Variants in TLL2 observed in about 807,000 individuals in gnomAD.
TLL2 encodes tolloid like 2.
A neutral mutation model predicts 123.0 loss-of-function variants in TLL2; 106 were observed. That is an observed-to-expected ratio of 0.86 (90% confidence interval 0.74 to 1.01). The LOEUF (loss-of-function observed/expected upper bound fraction) is 1.01. Among genes scored for constraint, TLL2 ranks in the 50% least tolerant of loss-of-function variants. The pLI, the probability that TLL2 is intolerant of heterozygous loss-of-function variation, is 0.00. For synonymous variants in TLL2, 494 were observed against 516.8 expected (o/e 0.96, Z 0.60); for missense variants, 1,332 against 1,336.7 (o/e 1.00, Z 0.06).
chr10:96,473,816 CT>C (rs1847207659), intron 2 of TLL2, among the ~76,000 whole-genome samples: 2 of 152,136 alleles, frequency 1.3e-5, no homozygotes, highest in Admixed American at 1.3e-4. Flanking sequence ...CGCAGACTTC[CT>C]GGACTCTTTG....
In TLL2 at chr10:96,513,513, G is replaced by A. The variant is rs771650809; in HGVS notation, c.173C>T (p.Ala58Val). Residue 58 changes from alanine (A) to valine (V), a missense_variant and splice_region_variant, in exon 1 of 21, where the codon GCC becomes GTC. Transcript: ENST00000357947. ...QLEHYHDPCK[A>V]AVFWGDIALD... ...ACTTCCCCAGCGGCGGCACCTACCG[G>A]CTTTGCAAGGGTCGTGGTAATGCTC... The A allele has an allele frequency of 2.5e-6, 4 of 1,612,348 alleles. No individual in the cohort carries two copies. In the South Asian group the frequency reaches 3.3e-5, roughly 13 times the overall value.
chr10:96,404,959 C>T (rs1366444804), intron 10 of TLL2, among the ~76,000 whole-genome samples: 1 of 152,182 alleles, frequency 6.6e-6, no homozygotes, highest in African/African-American at 2.4e-5. Flanking sequence ...ATTTTTCCTG[C>T]TTCAGTGAAC....
chr10:96,397,957 AT>A (rs1243377548), intron 10 of TLL2, among the ~76,000 whole-genome samples: 1 of 152,190 alleles, frequency 6.6e-6, no homozygotes, highest in Non-Finnish European at 1.5e-5. Flanking sequence ...AGGTTTAAGA[AT>A]CTAAGAGAAG....
chr10:96,511,998 C>T (rs1294026378), intron 1 of TLL2, among the ~76,000 whole-genome samples: 2 of 152,228 alleles, frequency 1.3e-5, no homozygotes, highest in African/African-American at 4.8e-5. Context: ...CTCATGGTAC[C>T]TGGGCCAGGC....
chr10:96,513,697 G>T lies in TLL2; in HGVS notation c.-12C>A, dbSNP rs778353139. On this transcript the variant is annotated 5_prime_UTR_variant, in exon 1 of 21. Coordinates refer to ENST00000357947, the MANE Select transcript of TLL2 (RefSeq NM_012465.4). ...GTCGCCCGGGGCATGGTGGCGCGGG[G>T]CCGGCTGGGGCAGAGGGAGTTGCGT... 7 of 1,502,582 alleles carry T rather than the reference G, an allele frequency of 4.7e-6. No homozygotes were observed. In the East Asian group the frequency reaches 1.5e-4, roughly 32 times the overall value. 93.1% of individuals were successfully genotyped at this position (1,502,582 alleles called of 1,614,324 possible).
chr10:96,422,222 T>G (rs1846631099), intron 6 of TLL2, among the ~76,000 whole-genome samples: 1 of 152,116 alleles, frequency 6.6e-6, no homozygotes, highest in Admixed American at 6.5e-5. Context: ...TTTTTTTTTT[T>G]TTGGCTTATC....
chr10:96,416,236 C>T (rs1469439162), intron 7 of TLL2, among the ~76,000 whole-genome samples: 1 of 152,188 alleles, frequency 6.6e-6, no homozygotes, highest in Non-Finnish European at 1.5e-5. Context: ...TTCTGCAGCA[C>T]AAGCATAAGG....
intron 2 of TLL2, among the ~76,000 whole-genome samples, chr10:96,453,927 C>G (rs553095411): frequency 5.3e-4 from 80 of 152,058 alleles, no homozygotes; most frequent in African/African-American, 1.9e-3. Flanking sequence ...CAACATATTA[C>G]TTTATAATCA....
rs539807659 is a variant in TLL2, at chr10:96,379,176, C to T, written c.2195-84G>A. The T allele has an allele frequency of 2.0e-6, 3 of 1,536,970 alleles. No individual in the cohort carries two copies. In the East Asian group the frequency reaches 6.9e-5, roughly 35 times the overall value. On this transcript the variant is annotated intron_variant, in intron 16 of 20. Coordinates refer to ENST00000357947, the MANE Select transcript of TLL2 (RefSeq NM_012465.4). ...GCTCAGAATCCCACTTAAAAGTGGC[C>T]TCCTCTGGGAAGCCTCTCTGATTGC...
chr10:96,508,076 C>T (rs1369227448), intron 1 of TLL2, among the ~76,000 whole-genome samples: 2 of 152,174 alleles, frequency 1.3e-5, no homozygotes, highest in South Asian at 4.1e-4. Context: ...TGGCAGCTCA[C>T]ATTCTGGGGA....
chr10:96,465,823 T>C (rs181988571), intron 2 of TLL2, among the ~76,000 whole-genome samples: 1 of 152,344 alleles, frequency 6.6e-6, no homozygotes, highest in Non-Finnish European at 1.5e-5. Flanking sequence ...GAGTGCAACC[T>C]GTTGTTACGC....
chr10:96,395,280 C>G lies in TLL2; in HGVS notation c.1633G>C (p.Glu545Gln). Residue 545 changes from glutamate (E) to glutamine (Q), a missense_variant, in exon 13 of 21, where the codon GAG becomes CAG. By Grantham distance (29) the Glu-to-Gln change is conservative (BLOSUM62 2). Coordinates refer to ENST00000357947, the MANE Select transcript of TLL2 (RefSeq NM_012465.4). ...CTGTTGGAGCTCGATTTCACATCCTCCGGCTTCTCATAGCCACAAAAGTGG... is the reference window on the plus strand; with the variant it reads ...CTGTTGGAGCTCGATTTCACATCCTGCGGCTTCTCATAGCCACAAAAGTGG... ...IGHFCGYEKP[E>Q]DVKSSSNRLW... The G allele has an allele frequency of 6.2e-7, 1 of 1,614,052 alleles. No individual in the cohort carries two copies. Among genetic ancestry groups the G allele is most frequent in the Non-Finnish European group, 8.5e-7 (1 of 1,180,006 alleles).
rs1004155633 is a variant in TLL2 at position 96,429,547 on chromosome 10, T to C, written c.521-799A>G. 2.6e-5 allele frequency among the ~76,000 whole-genome samples: 4 copies of C among 152,156 alleles called. No homozygotes were observed. The South Asian group carries it at 8.3e-4, about 32-fold the overall frequency. ...TATCCTGGGCTTCCCAAATTTTCCT[T>C]TGTATTGAAAGTATTTTCCAAACTT... is the stretch of plus-strand genomic sequence containing the variant. On this transcript the variant is annotated intron_variant, in intron 4 of 20. Transcript: ENST00000357947.
intron 9 of TLL2, among the ~76,000 whole-genome samples, chr10:96,406,908 T>G (rs1351086617): frequency 6.6e-6 from 1 of 152,094 alleles, no homozygotes; most frequent in Non-Finnish European, 1.5e-5. Context: ...TGCAGCTCTT[T>G]TTAAGATATC....
intron 2 of TLL2, among the ~76,000 whole-genome samples, chr10:96,471,068 T>A (rs1364352559): frequency 6.6e-6 from 1 of 152,138 alleles, no homozygotes; most frequent in Non-Finnish European, 1.5e-5. Flanking sequence ...TTGTGCGATC[T>A]CAGCTCACTG....
intron 20 of TLL2, 68 bp downstream of exon 20, chr10:96,369,997 G>A (rs1052226666): frequency 2.0e-6 from 3 of 1,485,574 alleles, no homozygotes; most frequent in Non-Finnish European, 2.7e-6. Context: ...AGCCGGGCGT[G>A]TCTGACTCCA....
chr10:96,477,494 G>A (rs374216018), intron 2 of TLL2, among the ~76,000 whole-genome samples: 1 of 151,998 alleles, frequency 6.6e-6, no homozygotes, highest in Non-Finnish European at 1.5e-5. Context: ...GACCACAGGG[G>A]TGAATGCCCA....
chr10:96,477,657 C>T (rs1847272817), intron 2 of TLL2, among the ~76,000 whole-genome samples: 1 of 152,254 alleles, frequency 6.6e-6, no homozygotes, highest in South Asian at 2.1e-4. Context: ...TCTTTCTTTT[C>T]ATCCTCGCAG....
intron 1 of TLL2, among the ~76,000 whole-genome samples, chr10:96,509,561 G>T (rs1203864718): frequency 1.3e-5 from 2 of 152,168 alleles, no homozygotes; most frequent in African/African-American, 2.4e-5. Context: ...CATTCCTCCT[G>T]CTCCCTTAAC....
Sources: allele counts gnomAD v4.1 joint callset (sites outside exome capture counted in the v4.1 genomes callset), GRCh38; gene constraint gnomAD v4.1.1; transcripts MANE v1.5; gene names NCBI Gene and HGNC (gene_info 2026-07-23, HGNC 2026-07-21).